ERICH1: variants seen among roughly 807,000 people sequenced by gnomAD.
ERICH1 encodes the protein glutamate-rich protein 1.
ERICH1 carries 56 observed loss-of-function variants against 39.6 expected under a neutral mutation model. That is an observed-to-expected ratio of 1.41 (90% CI 1.14 to 1.77). The LOEUF (loss-of-function observed/expected upper bound fraction) is 1.77, where lower values mean the gene tolerates loss of function less well. Ranked by LOEUF, ERICH1 falls within the 40% of genes most tolerant of loss-of-function variation. The pLI, the probability that ERICH1 is intolerant of heterozygous loss-of-function variation, is 0.00. For synonymous variants in ERICH1, 313 were observed against 223.6 expected, an observed-to-expected ratio of 1.40 and a Z score of -3.57; for missense variants, 826 against 575.4, an observed-to-expected ratio of 1.44 and a Z score of -4.45.
intron 3 of ERICH1, among the ~76,000 whole-genome samples, chr8:629,382 C>T (rs1584954472): frequency 6.7e-6 from 1 of 150,088 alleles, no homozygotes. Flanking sequence ...CTCACACTCT[C>T]CTGTGACCAC....
chr8:632,966 A>C (rs752576678), intron 3 of ERICH1, among the ~76,000 whole-genome samples: 4 of 152,242 alleles, frequency 2.6e-5, no homozygotes, highest in Non-Finnish European at 4.4e-5. Flanking sequence ...AACCATCAGC[A>C]GTGCCAGACA....
chr8:687,098 T>G (rs1807594096), intron 3 of ERICH1, among the ~76,000 whole-genome samples: 1 of 152,218 alleles, frequency 6.6e-6, no homozygotes, highest in Non-Finnish European at 1.5e-5. Flanking sequence ...GAATCCACAT[T>G]ATAACTGTGC....
intron 1 of ERICH1, among the ~76,000 whole-genome samples, chr8:730,083 A>G (rs1167931695): frequency 1.3e-5 from 2 of 152,070 alleles, no homozygotes; most frequent in Non-Finnish European, 2.9e-5. Flanking sequence ...CTTCCAGGAG[A>G]GGGTCATGAA....
intron 3 of ERICH1, among the ~76,000 whole-genome samples, chr8:643,341 CA>C (rs1367137182): frequency 1.3e-5 from 2 of 152,206 alleles, no homozygotes; most frequent in Non-Finnish European, 2.9e-5. Flanking sequence ...CGGTGTGGCA[CA>C]GGGGGACCAA....
At chr8:658,242 C>T (rs1800921279) in intron 3 of ERICH1, among the ~76,000 whole-genome samples, 1 of 152,216 alleles carries the variant, frequency 6.6e-6, no homozygotes, top group Non-Finnish European at 1.5e-5. Flanking sequence ...TTGCTTGCCC[C>T]TCCCCTTCTC....
At chr8:707,919 G>A (rs1286645910) in intron 2 of ERICH1, among the ~76,000 whole-genome samples, 2 of 152,144 alleles carry the variant, frequency 1.3e-5, no homozygotes, top group African/African-American at 4.8e-5. Context: ...CAGTATGGAG[G>A]ATGTACAACC....
intron 3 of ERICH1, among the ~76,000 whole-genome samples, chr8:642,102 T>C (rs1193502413): frequency 1.3e-5 from 2 of 152,176 alleles, no homozygotes; most frequent in Non-Finnish European, 2.9e-5. Flanking sequence ...TGATTTCACT[T>C]TGGGTGAGCA....
At chr8:640,021 CAT>C (rs1798812648) in intron 3 of ERICH1, among the ~76,000 whole-genome samples, 1 of 152,228 alleles carries the variant, frequency 6.6e-6, no homozygotes, top group South Asian at 2.1e-4. Flanking sequence ...GTGCCCGTGA[CAT>C]GTCCCAAGCC....
chr8:651,542 A>C (rs1409353073), intron 3 of ERICH1, among the ~76,000 whole-genome samples: 22 of 152,110 alleles, frequency 1.4e-4, no homozygotes, highest in Admixed American at 1.4e-3. Flanking sequence ...CCCAAAGAAG[A>C]ACCTGGGAGT....
intron 3 of ERICH1, among the ~76,000 whole-genome samples, chr8:674,328 A>G (rs1400906477): frequency 7.6e-6 from 1 of 131,878 alleles, no homozygotes; most frequent in Non-Finnish European, 1.6e-5. Context: ...CCTGACACAG[A>G]CTCTTACTTT....
chr8:716,966 C>A (rs984570137), intron 1 of ERICH1, among the ~76,000 whole-genome samples: 4 of 152,210 alleles, frequency 2.6e-5, no homozygotes, highest in African/African-American at 9.6e-5. Flanking sequence ...CTCCTACAGG[C>A]CCCGCTGTTA....
chr8:720,313 G>A (rs372932472), intron 1 of ERICH1, among the ~76,000 whole-genome samples: 7 of 152,150 alleles, frequency 4.6e-5, no homozygotes, highest in African/African-American at 1.2e-4. Flanking sequence ...GGACATGACC[G>A]ATGGCAGAAC....
intron 3 of ERICH1, among the ~76,000 whole-genome samples, chr8:622,378 A>G (rs1479812757): frequency 6.6e-6 from 1 of 152,272 alleles, no homozygotes; most frequent in South Asian, 2.1e-4. Context: ...GTGAAAATGA[A>G]TAGGATTAAT....
intron 2 of ERICH1, among the ~76,000 whole-genome samples, chr8:696,986 T>C (rs1256931693): frequency 6.6e-6 from 1 of 152,100 alleles, no homozygotes; most frequent in African/African-American, 2.4e-5. Flanking sequence ...CTTGCTCCTC[T>C]TACCCTCCAC....
chr8:710,557 G>A (rs1814495301), intron 2 of ERICH1, among the ~76,000 whole-genome samples: 2 of 152,252 alleles, frequency 1.3e-5, no homozygotes, highest in South Asian at 4.1e-4. Context: ...CCAGTCCTCG[G>A]CAGTCACTGA....
At chr8:658,729 C>G (rs565033359) in intron 3 of ERICH1, among the ~76,000 whole-genome samples, 1 of 152,190 alleles carries the variant, frequency 6.6e-6, no homozygotes, top group Non-Finnish European at 1.5e-5. Context: ...ACAAAGGCCA[C>G]AAGAGGACTC....
Position 647,345 on chromosome 8 carries a change from G to C in ERICH1, c.976+21253C>G, listed in dbSNP as rs1198032332. 3.0e-5 allele frequency among the ~76,000 whole-genome samples: 2 copies of C among 67,530 alleles called. 1 individual carries two copies. Among genetic ancestry groups the C allele is most frequent in the East Asian group, 6.0e-4 (2 of 3,350 alleles). 44.3% of individuals were successfully genotyped at this position (67,530 alleles called of 152,430 possible). ...GAGTCTGTGGTCATAATAAAATCCA[G>C]AATTAGGCAAAGAGTTTGCCATGGT... On this transcript the variant is annotated intron_variant, in intron 3 of 3. Transcript: ENST00000522706.
At chr8:638,144 G>C (rs890692948) in intron 3 of ERICH1, among the ~76,000 whole-genome samples, 1 of 152,258 alleles carries the variant, frequency 6.6e-6, no homozygotes, top group African/African-American at 2.4e-5. Context: ...GCTGAGGAAG[G>C]GCCCAGCATC....
intron 2 of ERICH1, among the ~76,000 whole-genome samples, chr8:708,340 T>C (rs530064144): frequency 6.6e-6 from 1 of 152,124 alleles, no homozygotes; most frequent in African/African-American, 2.4e-5. Context: ...CACAAGAACA[T>C]GTGCATGGAT....
Sources: allele counts gnomAD v4.1 joint callset (sites outside exome capture counted in the v4.1 genomes callset), GRCh38; gene constraint gnomAD v4.1.1; transcripts MANE v1.5; gene names NCBI Gene and HGNC (gene_info 2026-07-23, HGNC 2026-07-21).